Variants in HIPK3 observed in about 807,000 individuals in gnomAD.
HIPK3 encodes homeodomain-interacting protein kinase 3.
A neutral mutation model predicts 124.2 loss-of-function variants in HIPK3; 47 were observed. That is an observed-to-expected ratio of 0.38 (90% confidence interval 0.30 to 0.48). HIPK3 has a LOEUF of 0.48. HIPK3 is among the 20% of genes least tolerant of loss of function. The probability of loss-of-function intolerance (pLI) is 0.98; values close to 1 mark genes in which losing one functional copy is unlikely to be tolerated. For synonymous variants in HIPK3, 482 were observed against 515.2 expected, an observed-to-expected ratio of 0.94 and a Z score of 0.87; for missense variants, 1,286 against 1,454.3, an observed-to-expected ratio of 0.88 and a Z score of 1.88.
intron 2 of HIPK3, among the ~76,000 whole-genome samples, chr11:33,311,905 G>A (rs1590389007): frequency 1.3e-4 from 7 of 55,242 alleles, no homozygotes; most frequent in African/African-American, 4.2e-4. Flanking sequence ...GCAAGACCCT[G>A]TTTCTACACA....
intron 3 of HIPK3, among the ~76,000 whole-genome samples, chr11:33,335,482 T>A (rs534527680): frequency 6.6e-6 from 1 of 152,312 alleles, no homozygotes; most frequent in East Asian, 1.9e-4. Flanking sequence ...TTATTAAACA[T>A]GTCTGTTACT....
rs1467905023 is a variant in HIPK3, at chr11:33,348,843, A to G, written c.2666+25A>G. On this transcript the variant is annotated intron_variant, in intron 13 of 16. Transcript: ENST00000303296. Reference sequence around the variant, plus strand: ...AGTAAGTGCCAAACGCTGCATCCTCAAAGGATATAGATGGCATCCTTTGGT... The same window carrying G: ...AGTAAGTGCCAAACGCTGCATCCTCGAAGGATATAGATGGCATCCTTTGGT... The G allele has an allele frequency of 3.1e-6, 5 of 1,600,314 alleles. No homozygotes were observed. In the South Asian group the frequency reaches 3.3e-5, roughly 11 times the overall value.
At chr11:33,331,894 A>G (rs961799668) in intron 3 of HIPK3, among the ~76,000 whole-genome samples, 1 of 152,152 alleles carries the variant, frequency 6.6e-6, no homozygotes, top group African/African-American at 2.4e-5. Context: ...TCTTAACAGT[A>G]TATCATATTC....
rs1554963991 is a variant in HIPK3 at position 33,295,284 on chromosome 11, C to CA, written c.1097+7773_1097+7774insA. Among the ~76,000 whole-genome samples the CA allele has an allele frequency of 2.7e-5, 4 of 149,650 alleles. No individual in the cohort carries two copies. The South Asian group carries it at 8.6e-4, about 32-fold the overall frequency. ...AGAGAAGCAGCCACCACCGCCCCCC[C>CA]CCCACAACTCCACCCCATCCCCGCC... On this transcript the variant is annotated intron_variant, in intron 2 of 16. Transcript: ENST00000303296.
rs1851411211 is a variant in HIPK3 at position 33,281,479 on chromosome 11, GT to G, written c.-2-4930del. Among the ~76,000 whole-genome samples, 4 of 152,078 alleles carry G rather than the reference GT, an allele frequency of 2.6e-5. No homozygotes were observed. In the South Asian group the frequency reaches 8.3e-4, roughly 32 times the overall value. Reference sequence around the variant, plus strand: ...GATTATTTTATTTTTAGATACATATGTTTTAATAGGTTCCACAGATGATTAA... The same window carrying G: ...GATTATTTTATTTTTAGATACATATGTTTAATAGGTTCCACAGATGATTAA... On this transcript the variant is annotated intron_variant, in intron 1 of 16. Coordinates refer to ENST00000303296, the MANE Select transcript of HIPK3 (RefSeq NM_005734.5).
At chr11:33,319,466 A>G (rs1852600299) in intron 2 of HIPK3, among the ~76,000 whole-genome samples, 1 of 151,584 alleles carries the variant, frequency 6.6e-6, no homozygotes, top group African/African-American at 2.4e-5. Flanking sequence ...ATTGCACTCC[A>G]GCCTGGGCAA....
At chr11:33,310,281 T>TTATCTATCTATCTATC (rs61094230) in intron 2 of HIPK3, among the ~76,000 whole-genome samples, 3,700 of 121,052 alleles carry the variant, frequency 0.031, 107 homozygotes, top group African/African-American at 0.054. Context: ...TCTGTCTATC[T>TTATCTATCTATCTATC]TATCTATCTA....
chr11:33,258,211 C>A (rs1022606429), intron 1 of HIPK3: 14 of 719,072 alleles, frequency 1.9e-5, no homozygotes, highest in Non-Finnish European at 2.4e-5. Flanking sequence ...CTCGGCCCCC[C>A]CTCCCCCTGC....
chr11:33,296,676 A>G (rs1174585628), intron 2 of HIPK3, among the ~76,000 whole-genome samples: 1 of 152,030 alleles, frequency 6.6e-6, no homozygotes, highest in Non-Finnish European at 1.5e-5. Flanking sequence ...TACTATTATA[A>G]TCGTTTTGGG....
intron 8 of HIPK3, 105 bp downstream of exon 8, chr11:33,341,791 G>T: frequency 9.2e-7 from 1 of 1,087,264 alleles, no homozygotes; most frequent in Non-Finnish European, 1.3e-6. Flanking sequence ...GCTGCATTTA[G>T]TGCTACATTT....
At chr11:33,335,173 G>A (rs1389286272) in intron 3 of HIPK3, among the ~76,000 whole-genome samples, 1 of 152,168 alleles carries the variant, frequency 6.6e-6, no homozygotes, top group East Asian at 1.9e-4. Flanking sequence ...TGGAGATATA[G>A]AGTCCAGCCA....
chr11:33,280,402 G>A (rs1851380904), intron 1 of HIPK3, among the ~76,000 whole-genome samples: 1 of 152,174 alleles, frequency 6.6e-6, no homozygotes, highest in Admixed American at 6.5e-5. Context: ...CTGATGGAGG[G>A]TAGGAGAAGG....
chr11:33,334,880 G>C (rs1853093756), intron 3 of HIPK3, among the ~76,000 whole-genome samples: 1 of 152,180 alleles, frequency 6.6e-6, no homozygotes, highest in Non-Finnish European at 1.5e-5. Context: ...AGGACATTAG[G>C]AGAGACTGGA....
chr11:33,317,313 C>T (rs938837130), intron 2 of HIPK3, among the ~76,000 whole-genome samples: 1 of 133,500 alleles, frequency 7.5e-6, no homozygotes, highest in Non-Finnish European at 1.6e-5. Context: ...CTCTGTTGCC[C>T]AGGCTGCAGT....
intron 3 of HIPK3, among the ~76,000 whole-genome samples, chr11:33,330,529 A>G (rs1415758839): frequency 6.6e-6 from 1 of 152,120 alleles, no homozygotes. Flanking sequence ...GGGTTTCACC[A>G]TGTTGGCCAG....
rs370501263 is a variant in HIPK3, at chr11:33,348,662, G to C, written c.2510G>C (p.Cys837Ser). 2.3e-5 allele frequency: 37 copies of C among 1,614,040 alleles called. No individual in the cohort carries two copies. The highest frequency in any genetic ancestry group is 3.1e-5 in the Non-Finnish European group (36 of 1,180,026). The change falls in exon 13 of 17, where the codon TGT (cysteine) becomes TCT (serine). Residue 837 changes from cysteine (C) to serine (S), a missense_variant. Around this residue, in one of 3 missense-constraint regions of HIPK3, gnomAD observed 810 missense variants for 864.9 expected, o/e 0.94. Transcript: ENST00000303296. ...QNSEGEARNC[C>S]ETSIRQDSDS... ...TCAGAAGGAGAGGCAAGAAATTGCT[G>C]TGAAACATCTATCAGACAGGACTCT...
chr11:33,310,191 T>C (rs1175215266), intron 2 of HIPK3, among the ~76,000 whole-genome samples: 1 of 152,192 alleles, frequency 6.6e-6, no homozygotes, highest in African/African-American at 2.4e-5. Flanking sequence ...TTCAATATGG[T>C]AGCCACTAAT....
intron 2 of HIPK3, among the ~76,000 whole-genome samples, chr11:33,292,809 T>C (rs180799743): frequency 1.6e-4 from 24 of 152,260 alleles, no homozygotes; most frequent in African/African-American, 5.3e-4. Flanking sequence ...AATCTCTGCT[T>C]ACTGCAAGCT....
At chr11:33,337,314 C>A (rs1283254065) in intron 4 of HIPK3, 120 bp downstream of exon 4, 2 of 498,784 alleles carry the variant, frequency 4.0e-6, no homozygotes, top group East Asian at 7.1e-5. Context: ...TTTGAATTTT[C>A]ATTTTTGGCC....
Sources: gnomAD v4.1 joint callset for allele counts (sites outside exome capture counted in the v4.1 genomes callset) on GRCh38, gnomAD v4.1.1 for gene constraint, gnomAD v4.1.1 regional missense constraint, MANE v1.5 for transcripts, NCBI Gene and HGNC (gene_info 2026-07-23, HGNC 2026-07-21) for gene names.